SPIDR: variants seen among roughly 807,000 people sequenced by gnomAD.
The protein encoded by SPIDR is scaffold protein involved in DNA repair.
A neutral mutation model predicts 104.6 loss-of-function variants in SPIDR; 93 were observed. The ratio of observed to expected loss-of-function variants is 0.89; its 90% CI spans 0.75 to 1.06. The LOEUF is 1.06. SPIDR is among the 50% of genes least tolerant of loss of function. The pLI is 0.00. For missense variants in SPIDR, 1,154 were observed against 1,111.2 expected, an observed-to-expected ratio of 1.04 and a Z score of -0.55; for synonymous variants, 431 against 416.9, an observed-to-expected ratio of 1.03 and a Z score of -0.41.
chr8:47,678,629 G>C (rs2076729366), intron 11 of SPIDR, among the ~76,000 whole-genome samples: 1 of 152,128 alleles, frequency 6.6e-6, no homozygotes, highest in Non-Finnish European at 1.5e-5. Flanking sequence ...TAAGATGTAG[G>C]AGCTCTGGAG....
At chr8:47,433,255 C>T (rs1554690269) in intron 7 of SPIDR, among the ~76,000 whole-genome samples, 1 of 152,170 alleles carries the variant, frequency 6.6e-6, no homozygotes, top group Non-Finnish European at 1.5e-5. Context: ...CACCATCATC[C>T]ATCCTGGATT....
intron 5 of SPIDR, among the ~76,000 whole-genome samples, chr8:47,346,008 C>G (rs1449021608): frequency 3.2e-4 from 49 of 152,190 alleles, no homozygotes; most frequent in Non-Finnish European, 5.7e-4. Context: ...ATGTTGAATA[C>G]ATGTGGTGAG....
At chr8:47,733,540 A>G (rs2085632085) in intron 19 of SPIDR, among the ~76,000 whole-genome samples, 1 of 150,988 alleles carries the variant, frequency 6.6e-6, no homozygotes, top group African/African-American at 2.4e-5. Flanking sequence ...TCACACTTGC[A>G]CAAACATGCA....
chr8:47,430,423 A>G (rs1170535692), intron 7 of SPIDR, among the ~76,000 whole-genome samples: 1 of 152,158 alleles, frequency 6.6e-6, no homozygotes, highest in African/African-American at 2.4e-5. Context: ...AATGTCCTTT[A>G]TCGATAGTCA....
rs143364214 is a variant in SPIDR at position 47,530,155 on chromosome 8, C to T, written c.1098-65656C>T. Among the ~76,000 whole-genome samples the T allele has an allele frequency of 4.8e-3, 729 of 152,238 alleles. 4 individuals carry two copies. Among genetic ancestry groups the T allele is most frequent in the Non-Finnish European group, 8.8e-3 (598 of 68,028 alleles). On this transcript the variant is annotated intron_variant, in intron 8 of 19. Transcript: ENST00000297423. Reference sequence around the variant, plus strand: ...TACTGAACACCATGGAACATTGTAACAAAATGATAAATATTTGTGTGTCTA... The same window carrying T: ...TACTGAACACCATGGAACATTGTAATAAAATGATAAATATTTGTGTGTCTA...
Position 47,706,203 on chromosome 8 carries a change from T to C in SPIDR, c.1977+4188T>C, listed in dbSNP as rs546955912. ...GTCAGGAGATTGAGACCATCCTGGC[T>C]AACATGGTGAAACCCTGTCTCTACT... On this transcript the variant is annotated intron_variant, in intron 14 of 19. Transcript: ENST00000297423. Among the ~76,000 whole-genome samples, 56 of 152,092 alleles carry C rather than the reference T, an allele frequency of 3.7e-4. 1 individual carries two copies. The South Asian group carries it at 0.012, about 32-fold the overall frequency.
At chr8:47,663,953 G>A (rs2074507790) in intron 10 of SPIDR, among the ~76,000 whole-genome samples, 1 of 152,100 alleles carries the variant, frequency 6.6e-6, no homozygotes, top group Non-Finnish European at 1.5e-5. Context: ...TTGTCCTAAG[G>A]GCATACAGCA....
At chr8:47,341,727 A>T (rs896021628) in intron 5 of SPIDR, among the ~76,000 whole-genome samples, 1 of 152,210 alleles carries the variant, frequency 6.6e-6, no homozygotes, top group Non-Finnish European at 1.5e-5. Flanking sequence ...TTTGTCGCTC[A>T]TGGTGGAAAA....
intron 8 of SPIDR, among the ~76,000 whole-genome samples, chr8:47,480,912 T>C (rs1464830926): frequency 6.6e-6 from 1 of 152,254 alleles, no homozygotes; most frequent in Non-Finnish European, 1.5e-5. Flanking sequence ...TTATTAACCT[T>C]GCTGGACCTT....
chr8:47,597,967 T>C (rs945786539), intron 9 of SPIDR, among the ~76,000 whole-genome samples: 2 of 152,182 alleles, frequency 1.3e-5, no homozygotes, highest in South Asian at 2.1e-4. Context: ...GAAAGAAAAG[T>C]AGACAAACTT....
At chr8:47,273,377 G>A (rs1300316995) in intron 1 of SPIDR, among the ~76,000 whole-genome samples, 2 of 152,174 alleles carry the variant, frequency 1.3e-5, no homozygotes, top group East Asian at 1.9e-4. Context: ...TGAAGAGATG[G>A]ATAGAGCAAG....
chr8:47,448,948 C>G (rs549547133), intron 8 of SPIDR, among the ~76,000 whole-genome samples: 3 of 152,056 alleles, frequency 2.0e-5, no homozygotes, highest in African/African-American at 7.2e-5. Context: ...ATCTGGAGAA[C>G]CTCCCTGTGT....
At chr8:47,276,524 A>G (rs974105777) in intron 1 of SPIDR, among the ~76,000 whole-genome samples, 2 of 152,244 alleles carry the variant, frequency 1.3e-5, no homozygotes, top group African/African-American at 4.8e-5. Flanking sequence ...ATACTTGTAC[A>G]TCTATAATGT....
intron 11 of SPIDR, among the ~76,000 whole-genome samples, chr8:47,696,140 C>T (rs1179512214): frequency 6.6e-6 from 1 of 152,228 alleles, no homozygotes; most frequent in African/African-American, 2.4e-5. Context: ...CGATGGGAAA[C>T]CTCAGCTCTA....
chr8:47,442,955 T>G (rs1554698372), intron 8 of SPIDR, among the ~76,000 whole-genome samples: 1 of 152,186 alleles, frequency 6.6e-6, no homozygotes, highest in East Asian at 1.9e-4. Context: ...AATGCATTTA[T>G]TAAATGACCT....
intron 10 of SPIDR, among the ~76,000 whole-genome samples, chr8:47,656,624 TGG>T: frequency 6.6e-6 from 1 of 152,150 alleles, no homozygotes; most frequent in African/African-American, 2.4e-5. Flanking sequence ...AAGTTAAACA[TGG>T]AATTACCATA....
intron 11 of SPIDR, among the ~76,000 whole-genome samples, chr8:47,676,736 G>T (rs2076498472): frequency 2.0e-5 from 3 of 152,180 alleles, no homozygotes; most frequent in Non-Finnish European, 4.4e-5. Flanking sequence ...TGGCCTACCA[G>T]ATCTAAATTT....
intron 8 of SPIDR, among the ~76,000 whole-genome samples, chr8:47,501,290 C>T (rs1564155308): frequency 6.6e-6 from 1 of 152,184 alleles, no homozygotes; most frequent in African/African-American, 2.4e-5. Context: ...GAATGTTCTT[C>T]TGTTTGTTTG....
chr8:47,360,777 C>T, intron 5 of SPIDR: 3 of 954,764 alleles, frequency 3.1e-6, no homozygotes, highest in Non-Finnish European at 3.7e-6. Context: ...GTGAAAAAGT[C>T]TGTGGGGCAA....
Sources: allele counts gnomAD v4.1 joint callset (sites outside exome capture counted in the v4.1 genomes callset), GRCh38; gene constraint gnomAD v4.1.1; transcripts MANE v1.5; gene names NCBI Gene and HGNC (gene_info 2026-07-23, HGNC 2026-07-21).